Variants in PCDHB7 observed in about 807,000 individuals in gnomAD.
PCDHB7 encodes protocadherin beta 7, also known as protocadherin beta-7.
For missense variants in PCDHB7, 1,148 were observed against 1,011.6 expected (o/e 1.13, Z -1.83); for synonymous variants, 542 against 463.1 (o/e 1.17, Z -2.19).
chr5:141,175,082 T>G lies in PCDHB7; in HGVS notation c.2247T>G (p.Tyr749Ter). 1 of 1,614,188 alleles carries G rather than the reference T, an allele frequency of 6.2e-7. No homozygotes were observed. Among genetic ancestry groups the G allele is most frequent in the Non-Finnish European group, 8.5e-7 (1 of 1,180,042 alleles). The change falls in exon 1 of 1, where the codon TAT (tyrosine) becomes TAG (stop). Residue 749 changes from tyrosine (Y) to a stop codon, truncating the protein, a stop_gained. Transcript: ENST00000231137. LOFTEE classifies it low-confidence loss of function (END_TRUNC). The stretch of plus-strand genomic sequence containing the variant: ...GGACCCTATCCCAGAGCTACCAGTA[T>G]GAGGTGTGCCTGACTGGAGGCTCCG... ...GTGTLSQSYQ[Y>*]EVCLTGGSGT...
At position 141,173,439 on chromosome 5, in the gene PCDHB7, C is replaced by A. The variant is rs113945814; in HGVS notation, c.604C>A (p.Arg202=). The A allele has an allele frequency of 5.0e-6, 8 of 1,614,130 alleles. No homozygotes were observed. The African/African-American group carries it at 5.3e-5, about 11-fold the overall frequency. The change falls in exon 1 of 1, where the codon CGG becomes AGG. Residue 202 remains arginine, a synonymous_variant. Coordinates refer to ENST00000231137, the MANE Select transcript of PCDHB7 (RefSeq NM_018940.4). ...ATTGGTGCTGAATCAAGTGCTGGATCGGGAAGAGATACCAGAGTTCAGTTT... is the reference window on the plus strand; with the variant it reads ...ATTGGTGCTGAATCAAGTGCTGGATAGGGAAGAGATACCAGAGTTCAGTTT... The part of the protein sequence containing the change: ...PELVLNQVLD[R]EEIPEFSLTL...
At position 141,174,196 on chromosome 5, in the gene PCDHB7, C is replaced by G. The variant is rs782214130; in HGVS notation, c.1361C>G (p.Thr454Ser). 8.1e-6 allele frequency: 13 copies of G among 1,613,380 alleles called. No individual in the cohort carries two copies. The highest frequency in any genetic ancestry group is 1.1e-5 in the Non-Finnish European group (13 of 1,180,054). Residue 454 changes from threonine (T) to serine (S), a missense_variant, in exon 1 of 1, where the codon ACC becomes AGC. By Grantham distance (58) the Thr-to-Ser change is moderately conservative (BLOSUM62 1). Coordinates refer to ENST00000231137, the MANE Select transcript of PCDHB7 (RefSeq NM_018940.4). Reference protein sequence around the residue: ...VNDNAPAFTQTSYTLFVRENN... With the variant: ...VNDNAPAFTQSSYTLFVRENN... ...GACAACGCTCCCGCCTTCACCCAAA[C>G]CTCCTACACCCTGTTTGTCCGTGAG...
At position 141,173,542 on chromosome 5, in the gene PCDHB7, A is replaced by G. The variant is rs781947230; in HGVS notation, c.707A>G (p.Asn236Ser). The change falls in exon 1 of 1, where the codon AAT (asparagine) becomes AGT (serine). Residue 236 changes from asparagine to serine, a missense_variant. By Grantham distance (46) the Asn-to-Ser change is conservative. Coordinates refer to ENST00000231137, the MANE Select transcript of PCDHB7 (RefSeq NM_018940.4). ...ALVRILVLDV[N>S]DNAPDFVRSL... ...GTGCGCATTCTGGTTCTAGACGTAA[A>G]TGACAACGCCCCTGATTTTGTGCGG... 28 of 1,613,582 alleles carry G rather than the reference A, an allele frequency of 1.7e-5. No homozygotes were observed. Among genetic ancestry groups the G allele is most frequent in the Non-Finnish European group, 2.1e-5 (25 of 1,179,668 alleles).
rs1753279322 is a variant in PCDHB7, at chr5:141,173,726, A to G, written c.891A>G (p.Thr297=). The stretch of plus-strand genomic sequence containing the variant: ...TCAAAACGTTTCAAATCAATCCAAC[A>G]TCTGGCAGTCTTCATCTTAAAGCGC... The part of the protein sequence containing the change: ...RILKTFQINP[T]SGSLHLKAQL... The change falls in exon 1 of 1, where the codon ACA becomes ACG. Residue 297 remains threonine, a synonymous_variant. Transcript: ENST00000231137. 6.2e-7 allele frequency: 1 copy of G among 1,613,964 alleles called. No individual in the cohort carries two copies. Among genetic ancestry groups the G allele is most frequent in the Non-Finnish European group, 8.5e-7 (1 of 1,179,842 alleles).
Position 141,172,801 on chromosome 5 carries a change from G to A in PCDHB7, c.-35G>A. 1 of 1,566,248 alleles carries A rather than the reference G, an allele frequency of 6.4e-7. No individual in the cohort carries two copies. Among genetic ancestry groups the A allele is most frequent in the South Asian group, 1.2e-5 (1 of 86,898 alleles). ...ATTTGTGAGAGCCGCTGGAGGCTGA[G>A]TGAAAGTCATTTTGAAAGACTGATC... On this transcript the variant is annotated 5_prime_UTR_variant, in exon 1 of 1. The change creates a new upstream start codon in the 5' untranslated region. Coordinates refer to ENST00000231137, the MANE Select transcript of PCDHB7 (RefSeq NM_018940.4).
chr5:141,174,673 G>A lies in PCDHB7; in HGVS notation c.1838G>A (p.Gly613Glu), dbSNP rs782146608. The A allele has an allele frequency of 2.5e-5, 41 of 1,610,334 alleles. No homozygotes were observed. In the Admixed American group the frequency reaches 6.7e-4, roughly 26 times the overall value. The part of the protein sequence containing the change: ...SYQLLKATEP[G>E]LFGVWAHNGE... ...CAGCTGCTCAAGGCCACGGAGCCCG[G>A]GCTATTCGGCGTGTGGGCGCACAAT... Residue 613 changes from glycine to glutamate, a missense_variant, in exon 1 of 1, where the codon GGG (glycine) becomes GAG (glutamate). Coordinates refer to ENST00000231137, the MANE Select transcript of PCDHB7 (RefSeq NM_018940.4).
Position 141,174,216 on chromosome 5 carries a change from C to G in PCDHB7, c.1381C>G (p.Arg461Gly), listed in dbSNP as rs781905927. ...FTQTSYTLFV[R>G]ENNSPALPIG... is the part of the protein sequence containing the mutation. The stretch of plus-strand genomic sequence containing the variant: ...CCAAACCTCCTACACCCTGTTTGTC[C>G]GTGAGAACAACAGCCCCGCCCTGCC... Residue 461 changes from arginine (R) to glycine (G), a missense_variant, in exon 1 of 1, where the codon CGT becomes GGT. Arg to Gly is a moderately radical substitution (Grantham distance 125). Transcript: ENST00000231137. 31 of 1,613,380 alleles carry G rather than the reference C, an allele frequency of 1.9e-5. No homozygotes were observed. The highest frequency in any genetic ancestry group is 2.5e-5 in the Non-Finnish European group (29 of 1,180,042).
In PCDHB7 at chr5:141,174,486, G is replaced by A; in HGVS notation, c.1651G>A (p.Val551Met). 1 of 1,611,248 alleles carries A rather than the reference G, an allele frequency of 6.2e-7. No individual in the cohort carries two copies. Among genetic ancestry groups the A allele is most frequent in the Non-Finnish European group, 8.5e-7 (1 of 1,179,652 alleles). Residue 551 changes from valine (V) to methionine (M), a missense_variant, in exon 1 of 1, where the codon GTG (valine) becomes ATG (methionine). Transcript: ENST00000231137. Reference protein sequence around the residue: ...LSSEALVRVLVLDANDNSPFV... With the variant: ...LSSEALVRVLMLDANDNSPFV... Reference sequence around the variant, plus strand: ...CAGCGAGGCGCTGGTGCGCGTGCTGGTGCTGGACGCCAACGACAACTCGCC... The same window carrying A: ...CAGCGAGGCGCTGGTGCGCGTGCTGATGCTGGACGCCAACGACAACTCGCC...
At position 141,175,975 on chromosome 5, in the gene PCDHB7, C is replaced by A. The variant is rs1554280602; in HGVS notation, c.*758C>A. 6.0e-6 allele frequency: 1 copy of A among 167,186 alleles called. No individual in the cohort carries two copies. The highest frequency in any genetic ancestry group is 6.5e-5 in the Admixed American group (1 of 15,288). 10.4% of individuals were successfully genotyped at this position (167,186 alleles called of 1,614,324 possible). The stretch of plus-strand genomic sequence containing the variant: ...CACCAAAAGTCCTGCTTTTCTGGGT[C>A]AATTTTCAACTATTATTACTAATGC... On this transcript the variant is annotated 3_prime_UTR_variant, in exon 1 of 1. Transcript: ENST00000231137.
Position 141,175,253 on chromosome 5 carries a change from G to A in PCDHB7, c.*36G>A. On this transcript the variant is annotated 3_prime_UTR_variant, in exon 1 of 1. Coordinates refer to ENST00000231137, the MANE Select transcript of PCDHB7 (RefSeq NM_018940.4). Reference sequence around the variant, plus strand: ...AAACTAAATCCGCGTCTGTGAATACGTTTCTGATTAGGAACTTATTGCGAG... The same window carrying A: ...AAACTAAATCCGCGTCTGTGAATACATTTCTGATTAGGAACTTATTGCGAG... The A allele has an allele frequency of 1.3e-6, 2 of 1,558,324 alleles. No homozygotes were observed. Among genetic ancestry groups the A allele is most frequent in the South Asian group, 1.2e-5 (1 of 82,134 alleles).
In PCDHB7 at chr5:141,175,082, T is replaced by C. The variant is rs1156242222; in HGVS notation, c.2247T>C (p.Tyr749=). The C allele has an allele frequency of 3.7e-6, 6 of 1,614,070 alleles. No individual in the cohort carries two copies. In the East Asian group the frequency reaches 6.7e-5, roughly 18 times the overall value. The change falls in exon 1 of 1, where the codon TAT becomes TAC. Residue 749 remains tyrosine (Y), a synonymous_variant. Transcript: ENST00000231137. ...GGACCCTATCCCAGAGCTACCAGTA[T>C]GAGGTGTGCCTGACTGGAGGCTCCG... ...GTGTLSQSYQ[Y]EVCLTGGSGT...
Position 141,174,557 on chromosome 5 carries a change from G to A in PCDHB7, c.1722G>A (p.Glu574=). 1 of 1,610,166 alleles carries A rather than the reference G, an allele frequency of 6.2e-7. No individual in the cohort carries two copies. Among genetic ancestry groups the A allele is most frequent in the Non-Finnish European group, 8.5e-7 (1 of 1,179,630 alleles). ...PLQNSSAPCT[E]PLPRAAEPGY... The stretch of plus-strand genomic sequence containing the variant: ...AGAACAGCTCCGCGCCCTGCACCGA[G>A]CCGTTGCCCCGGGCGGCCGAGCCGG... The change falls in exon 1 of 1, where the codon GAG becomes GAA. Residue 574 remains glutamate (E), a synonymous_variant. Transcript: ENST00000231137.
rs1554280116 is a variant in PCDHB7 at position 141,173,986 on chromosome 5, C to A, written c.1151C>A (p.Ser384Tyr). 11 of 1,614,138 alleles carry A rather than the reference C, an allele frequency of 6.8e-6. No homozygotes were observed. The South Asian group carries it at 9.9e-5, about 15-fold the overall frequency. Reference sequence around the variant, plus strand: ...GGGAACAATGGAAAGACAGTGTGCTCCATCCAGGACGATGTCCCCTTCATC... The same window carrying A: ...GGGAACAATGGAAAGACAGTGTGCTACATCCAGGACGATGTCCCCTTCATC... ...DSGNNGKTVC[S>Y]IQDDVPFILK... Residue 384 changes from serine (S) to tyrosine (Y), a missense_variant, in exon 1 of 1, where the codon TCC becomes TAC. Physicochemically the swap from Ser to Tyr is moderately radical, Grantham distance 144. Coordinates refer to ENST00000231137, the MANE Select transcript of PCDHB7 (RefSeq NM_018940.4).
Position 141,174,218 on chromosome 5 carries a change from T to G in PCDHB7, c.1383T>G (p.Arg461=), listed in dbSNP as rs115264222. 6.2e-6 allele frequency: 10 copies of G among 1,613,174 alleles called. No individual in the cohort carries two copies. The Admixed American group carries it at 6.7e-5, about 11-fold the overall frequency. ...FTQTSYTLFV[R]ENNSPALPIG... ...AAACCTCCTACACCCTGTTTGTCCG[T>G]GAGAACAACAGCCCCGCCCTGCCCA... The change falls in exon 1 of 1, where the codon CGT becomes CGG. Residue 461 remains arginine, a synonymous_variant. Transcript: ENST00000231137.
At position 141,175,168 on chromosome 5, in the gene PCDHB7, G is replaced by A. The variant is rs1753351843; in HGVS notation, c.2333G>A (p.Gly778Asp). The A allele has an allele frequency of 6.2e-7, 1 of 1,611,974 alleles. No individual in the cohort carries two copies. Among genetic ancestry groups the A allele is most frequent in the Non-Finnish European group, 8.5e-7 (1 of 1,179,154 alleles). Residue 778 changes from glycine to aspartate, a missense_variant, in exon 1 of 1, where the codon GGC becomes GAC. Gly to Asp is a moderately conservative substitution (Grantham distance 94). Transcript: ENST00000231137. ...CCCAACCTGCTACCCCAGAGCACAG[G>A]CAGGGAAGTGGAAGAAAATCGCCCA... ...IIPNLLPQST[G>D]REVEENRPFQ...
rs782667658 is a variant in PCDHB7, at chr5:141,173,356, C to A, written c.521C>A (p.Pro174His). ...TNSLSNYTISPNAYFHINVHD... is the reference protein window; with the variant it reads ...TNSLSNYTISHNAYFHINVHD... ...AGCCTGAGTAACTACACCATCAGCCCCAATGCCTATTTCCATATTAATGTC... is the reference window on the plus strand; with the variant it reads ...AGCCTGAGTAACTACACCATCAGCCACAATGCCTATTTCCATATTAATGTC... The change falls in exon 1 of 1, where the codon CCC becomes CAC. Residue 174 changes from proline to histidine, a missense_variant. Physicochemically the swap from Pro to His is moderately conservative, Grantham distance 77. Coordinates refer to ENST00000231137, the MANE Select transcript of PCDHB7 (RefSeq NM_018940.4). 1.1e-5 allele frequency: 18 copies of A among 1,613,668 alleles called. No individual in the cohort carries two copies. The East Asian group carries it at 3.3e-4, about 30-fold the overall frequency.
In PCDHB7 at chr5:141,172,877, C is replaced by CT. The variant is rs1554279837; in HGVS notation, c.44dup (p.Leu15PhefsTer51). 1 of 1,614,124 alleles carries CT rather than the reference C, an allele frequency of 6.2e-7. No homozygotes were observed. The highest frequency in any genetic ancestry group is 8.5e-7 in the Non-Finnish European group (1 of 1,180,022). ...AGCGTGCTGTGCAGAAAAGGCAAGT[C>CT]TTATTTCTTTGTGTATTTCTGGGAA... is the stretch of plus-strand genomic sequence containing the variant. On this transcript the variant is annotated frameshift_variant, in exon 1 of 1. Coordinates refer to ENST00000231137, the MANE Select transcript of PCDHB7 (RefSeq NM_018940.4). LOFTEE classifies it low-confidence loss of function (END_TRUNC).
chr5:141,174,260 CACAG>C lies in PCDHB7; in HGVS notation c.1431_1434del (p.Asp477GlufsTer64), dbSNP rs782327281. ...CCCTGCCCATCGGCAGTGTCAGCGCCACAGACAGAGACTCGGGCACCAACGCCCA... is the reference window on the plus strand; with the variant it reads ...CCCTGCCCATCGGCAGTGTCAGCGCCACAGAGACTCGGGCACCAACGCCCA... On this transcript the variant is annotated frameshift_variant, in exon 1 of 1. Transcript: ENST00000231137. LOFTEE classifies it low-confidence loss of function (END_TRUNC). 28 of 1,612,532 alleles carry C rather than the reference CACAG, an allele frequency of 1.7e-5. No homozygotes were observed. Among genetic ancestry groups the C allele is most frequent in the Non-Finnish European group, 2.1e-5 (25 of 1,179,636 alleles).
Position 141,175,293 on chromosome 5 carries a change from G to A in PCDHB7, c.*76G>A. 7.3e-7 allele frequency: 1 copy of A among 1,373,698 alleles called. No individual in the cohort carries two copies. Among genetic ancestry groups the A allele is most frequent in the Non-Finnish European group, 9.9e-7 (1 of 1,006,086 alleles). 85.1% of individuals were successfully genotyped at this position (1,373,698 alleles called of 1,614,324 possible). A position where few individuals can be genotyped will look rare whatever the true frequency, so the allele number is the denominator to read the frequency against. The stretch of plus-strand genomic sequence containing the variant: ...CTTATTGCGAGGTTCCCTTAAGGGA[G>A]TGTCTTTACATCATTTCAAATATGT... On this transcript the variant is annotated 3_prime_UTR_variant, in exon 1 of 1. Coordinates refer to ENST00000231137, the MANE Select transcript of PCDHB7 (RefSeq NM_018940.4).
Sources: gnomAD v4.1 joint callset for allele counts on GRCh38, gnomAD v4.1.1 for gene constraint, MANE v1.5 for transcripts, NCBI Gene and HGNC (gene_info 2026-07-23, HGNC 2026-07-21) for gene names.